The following INO80D variants were observed in gnomAD, a reference collection of about 807,000 sequenced individuals.
INO80D encodes the protein INO80 complex subunit D.
In INO80D, 21 loss-of-function variants were observed where a neutral mutation model predicts 87.6. The ratio of observed to expected loss-of-function variants is 0.24; its 90% CI spans 0.17 to 0.35. The LOEUF (loss-of-function observed/expected upper bound fraction) is 0.35, where lower values mean the gene tolerates loss of function less well. Ranked by LOEUF, INO80D falls within the 10% of genes least tolerant of loss-of-function variation. INO80D has a pLI of 1.00. For synonymous variants in INO80D, 440 were observed against 491.0 expected (o/e 0.90, Z 1.37); for missense variants, 982 against 1,280.7 (o/e 0.77, Z 3.56).
chr2:206,080,873 A>C (rs1253633984), intron 1 of INO80D, among the ~76,000 whole-genome samples: 2 of 138,468 alleles, frequency 1.4e-5, no homozygotes, highest in African/African-American at 2.7e-5. Context: ...ACTGCACTCC[A>C]GCCTGGGCGA....
At chr2:206,031,263 G>GAA (rs368036529) in intron 5 of INO80D, among the ~76,000 whole-genome samples, 1 of 117,602 alleles carries the variant, frequency 8.5e-6, no homozygotes, top group Non-Finnish European at 1.8e-5. Context: ...CGAAAAAAAA[G>GAA]AAAAAAAAAA....
intron 1 of INO80D, among the ~76,000 whole-genome samples, chr2:206,073,703 T>G (rs982094564): frequency 2.6e-5 from 4 of 152,038 alleles, no homozygotes; most frequent in Admixed American, 2.6e-4. Context: ...TTAGTAGATA[T>G]GGGGTTTCAC....
At chr2:206,015,468 G>A (rs1162683418) in intron 8 of INO80D, among the ~76,000 whole-genome samples, 1 of 152,186 alleles carries the variant, frequency 6.6e-6, no homozygotes. Flanking sequence ...GTAGAGCTCA[G>A]GCTGTTGTTT....
rs1347811815 is a variant in INO80D at position 206,048,326 on chromosome 2, C to T, written c.965-1714G>A. On this transcript the variant is annotated intron_variant, in intron 4 of 10. Transcript: ENST00000403263. The stretch of plus-strand genomic sequence containing the variant: ...TCAGCTCACTACAGCCTTGACCTCC[C>T]GGGCTCAAGTGATCCTCCCACCTCA... Among the ~76,000 whole-genome samples the T allele has an allele frequency of 5.3e-5, 8 of 152,140 alleles. No individual in the cohort carries two copies. In the South Asian group the frequency reaches 6.2e-4, roughly 12 times the overall value.
intron 3 of INO80D, among the ~76,000 whole-genome samples, chr2:206,061,971 G>A (rs1237898466): frequency 6.6e-6 from 1 of 152,124 alleles, no homozygotes; most frequent in Non-Finnish European, 1.5e-5. Context: ...TATAGTTTCT[G>A]GAGAATTGAA....
rs1181470141 is a variant in INO80D, at chr2:206,005,445, A to T, written c.2007T>A (p.Ser669Arg). Residue 669 changes from serine (S) to arginine (R), a missense_variant, in exon 11 of 11, where the codon AGT becomes AGA. Transcript: ENST00000403263. ...CTGACTGGGCAAGGACCCCAATGGTACTCAGGCACTCGAGAGAAGTTACAG... is the reference window on the plus strand; with the variant it reads ...CTGACTGGGCAAGGACCCCAATGGTTCTCAGGCACTCGAGAGAAGTTACAG... ...LQAVTSLECL[S>R]TIGVLAQSDG... The T allele has an allele frequency of 6.2e-7, 1 of 1,613,866 alleles. No homozygotes were observed. Among genetic ancestry groups the T allele is most frequent in the South Asian group, 1.1e-5 (1 of 91,056 alleles).
chr2:206,070,378 T>C (rs1689929088), intron 1 of INO80D, among the ~76,000 whole-genome samples: 1 of 150,218 alleles, frequency 6.7e-6, no homozygotes, highest in East Asian at 2.0e-4. Context: ...GTGCCAAAAC[T>C]GCACCACACC....
intron 1 of INO80D, among the ~76,000 whole-genome samples, chr2:206,080,741 A>T (rs997858294): frequency 1.3e-5 from 2 of 151,802 alleles, no homozygotes; most frequent in Non-Finnish European, 2.9e-5. Context: ...CCCCGTCTCT[A>T]CTAAAAATAG....
Position 206,009,696 on chromosome 2 carries a change from G to A in INO80D, c.1641C>T (p.His547=). ...GAGGTCCACGCCTTCTCTTCTTCTTGTGTTTTTTGGTTAGTGCAGGAGGCT... is the reference window on the plus strand; with the variant it reads ...GAGGTCCACGCCTTCTCTTCTTCTTATGTTTTTTGGTTAGTGCAGGAGGCT... ...KTKPPALTKK[H]KKKRRRGPRR... is the part of the protein sequence containing the mutation. The change falls in exon 9 of 11, where the codon CAC becomes CAT. Residue 547 remains histidine (H), a synonymous_variant. Coordinates refer to ENST00000403263, the MANE Select transcript of INO80D (RefSeq NM_017759.5). 6.2e-7 allele frequency: 1 copy of A among 1,613,958 alleles called. No individual in the cohort carries two copies. The highest frequency in any genetic ancestry group is 1.1e-5 in the South Asian group (1 of 91,082).
At chr2:206,050,188 C>A (rs1689313561) in intron 4 of INO80D, among the ~76,000 whole-genome samples, 1 of 151,656 alleles carries the variant, frequency 6.6e-6, no homozygotes, top group Admixed American at 6.6e-5. Context: ...TGTTTTCATT[C>A]TGTTTAAAAA....
intron 10 of INO80D, among the ~76,000 whole-genome samples, chr2:206,005,895 A>T (rs544399472): frequency 6.6e-6 from 1 of 152,372 alleles, no homozygotes; most frequent in East Asian, 1.9e-4. Flanking sequence ...TCATTAACAT[A>T]GAAAACATAT....
At chr2:206,042,123 C>T (rs1209060743) in intron 5 of INO80D, among the ~76,000 whole-genome samples, 1 of 151,824 alleles carries the variant, frequency 6.6e-6, no homozygotes, top group African/African-American at 2.4e-5. Context: ...CAGAGTGAAA[C>T]CTTGTCTCAA....
intron 1 of INO80D, among the ~76,000 whole-genome samples, chr2:206,077,064 G>A (rs1690138382): frequency 6.6e-6 from 1 of 152,122 alleles, no homozygotes; most frequent in Non-Finnish European, 1.5e-5. Context: ...ACGAGGTCAG[G>A]AGATCGAGAC....
At position 206,056,407 on chromosome 2, in the gene INO80D, A is replaced by G. The variant is rs745601485; in HGVS notation, c.755T>C (p.Ile252Thr). 2 of 1,613,854 alleles carry G rather than the reference A, an allele frequency of 1.2e-6. No individual in the cohort carries two copies. Among genetic ancestry groups the G allele is most frequent in the East Asian group, 2.2e-5 (1 of 44,874 alleles). The change falls in exon 4 of 11, where the codon ATA becomes ACA. Residue 252 changes from isoleucine (I) to threonine (T), a missense_variant. Ile to Thr is a moderately conservative substitution (Grantham distance 89). Transcript: ENST00000403263. ...GTGAGACAACTGCCGTGCTTGTGCT[A>G]TAGTGTGTGTGGTGGGTGCCACTCC... is the stretch of plus-strand genomic sequence containing the variant. Reference protein sequence around the residue: ...MQGVAPTTHTIAQARQLSHKR... With the variant: ...MQGVAPTTHTTAQARQLSHKR...
intron 6 of INO80D, among the ~76,000 whole-genome samples, chr2:206,025,306 T>C (rs1208668550): frequency 6.6e-6 from 1 of 150,880 alleles, no homozygotes; most frequent in Non-Finnish European, 1.5e-5. Flanking sequence ...GGTGGGTGGA[T>C]CACCTGAGGT....
intron 8 of INO80D, 126 bp from the exon 9 acceptor site, chr2:206,009,920 A>T (rs1432713072): frequency 4.4e-6 from 3 of 680,804 alleles, no homozygotes; most frequent in Non-Finnish European, 7.3e-6. Context: ...GCCCAAAACT[A>T]TGTATAACAA....
chr2:206,035,279 G>A (rs1688863167), intron 5 of INO80D, among the ~76,000 whole-genome samples: 1 of 151,946 alleles, frequency 6.6e-6, no homozygotes, highest in South Asian at 2.1e-4. Flanking sequence ...AGCCCACATA[G>A]CCAACACAAG....
At chr2:206,080,060 A>G (rs1482935966) in intron 1 of INO80D, among the ~76,000 whole-genome samples, 1 of 152,174 alleles carries the variant, frequency 6.6e-6, no homozygotes, top group Non-Finnish European at 1.5e-5. Flanking sequence ...GCTATTACTT[A>G]ACATTCACAT....
intron 1 of INO80D, chr2:206,084,490 TC>T (rs1289774455): frequency 6.6e-6 from 1 of 152,190 alleles, no homozygotes; most frequent in East Asian, 1.9e-4. Context: ...CCTGCCCACT[TC>T]CTCTCCCTCC....
Sources: gnomAD v4.1 joint callset for allele counts (sites outside exome capture counted in the v4.1 genomes callset) on GRCh38, gnomAD v4.1.1 for gene constraint, MANE v1.5 for transcripts, NCBI Gene and HGNC (gene_info 2026-07-23, HGNC 2026-07-21) for gene names.